WDPCP: variants seen among roughly 807,000 people sequenced by gnomAD.
WDPCP encodes the protein WD repeat containing planar cell polarity effector.
WDPCP carries 71 observed loss-of-function variants against 93.1 expected under a neutral mutation model. The observed-to-expected ratio is 0.76, with a 90% CI of 0.63 to 0.93. WDPCP has a LOEUF of 0.93. Among genes scored for constraint, WDPCP ranks in the 40% least tolerant of loss-of-function variants. WDPCP has a pLI of 0.00. For synonymous variants in WDPCP, 315 were observed against 315.0 expected, an observed-to-expected ratio of 1.00 and a Z score of 0.00; for missense variants, 844 against 887.4, an observed-to-expected ratio of 0.95 and a Z score of 0.62.
chr2:63,125,504 G>C (rs1669834246), intron 17 of WDPCP, among the ~76,000 whole-genome samples: 1 of 152,180 alleles, frequency 6.6e-6, no homozygotes, highest in Non-Finnish European at 1.5e-5. Context: ...GGTTCTCCAT[G>C]CTGGCCTAAA....
chr2:63,490,747 G>GTT (rs971662298), intron 2 of WDPCP, among the ~76,000 whole-genome samples: 16 of 152,124 alleles, frequency 1.1e-4, no homozygotes, highest in African/African-American at 3.9e-4. Flanking sequence ...ACACATGGAG[G>GTT]GACAGGGAAG....
rs755586280 is a variant in WDPCP at position 63,487,508 on chromosome 2, G to T, written c.161-14C>A. 1 of 1,559,700 alleles carries T rather than the reference G, an allele frequency of 6.4e-7. No individual in the cohort carries two copies. ...CAATGTCTCTATCTATAGAAAGGAA[G>T]AAATAACATTAAATTATGATTTAAA... On this transcript the variant is annotated splice_polypyrimidine_tract_variant and intron_variant, in intron 2 of 17. Coordinates refer to ENST00000272321, the MANE Select transcript of WDPCP (RefSeq NM_015910.7).
At chr2:63,749,279 A>C (rs1021502978) in intron 2 of WDPCP, among the ~76,000 whole-genome samples, 11 of 152,082 alleles carry the variant, frequency 7.2e-5, no homozygotes, top group Non-Finnish European at 1.6e-4. Flanking sequence ...TCAAATTTAC[A>C]CAAGTTAACA....
intron 12 of WDPCP, among the ~76,000 whole-genome samples, chr2:63,346,716 C>T (rs971428092): frequency 1.3e-5 from 2 of 152,186 alleles, no homozygotes; most frequent in African/African-American, 4.8e-5. Context: ...CTCCACAAAG[C>T]ACCTGCCTCT....
intron 6 of WDPCP, among the ~76,000 whole-genome samples, chr2:63,472,846 C>T (rs554584359): frequency 1.5e-4 from 23 of 152,354 alleles, no homozygotes; most frequent in African/African-American, 4.1e-4. Flanking sequence ...AGGCGTGAGC[C>T]GCCGTGCCCA....
intron 14 of WDPCP, among the ~76,000 whole-genome samples, chr2:63,187,953 A>G (rs769800212): frequency 4.6e-5 from 7 of 152,176 alleles, no homozygotes; most frequent in Non-Finnish European, 7.3e-5. Flanking sequence ...TTTCTGAAGG[A>G]CAGTTTTGCT....
chr2:63,659,864 C>T (rs1710207680), intron 2 of WDPCP, among the ~76,000 whole-genome samples: 2 of 152,158 alleles, frequency 1.3e-5, no homozygotes, highest in African/African-American at 2.4e-5. Flanking sequence ...CTCTCATGGT[C>T]TAGGATCCCA....
intron 6 of WDPCP, among the ~76,000 whole-genome samples, chr2:63,471,219 C>T (rs1339157730): frequency 6.6e-6 from 1 of 152,224 alleles, no homozygotes; most frequent in African/African-American, 2.4e-5. Context: ...ACATAGAATA[C>T]TATCTGGCAT....
chr2:63,311,508 T>C (rs1374195127), intron 13 of WDPCP, among the ~76,000 whole-genome samples: 1 of 152,218 alleles, frequency 6.6e-6, no homozygotes, highest in African/African-American at 2.4e-5. Context: ...AATAAAGTTA[T>C]GTATGAAGAG....
At chr2:63,347,733 C>CT (rs1170741744) in intron 12 of WDPCP, among the ~76,000 whole-genome samples, 2 of 149,564 alleles carry the variant, frequency 1.3e-5, no homozygotes, top group Admixed American at 6.7e-5. Flanking sequence ...GGAAATTGCC[C>CT]CCCCCGCCCC....
intron 2 of WDPCP, chr2:63,717,388 A>G: frequency 2.3e-6 from 1 of 435,792 alleles, no homozygotes; most frequent in Non-Finnish European, 4.4e-6. Flanking sequence ...GATCCTGATG[A>G]TAGTGTCTGT....
At chr2:63,573,765 T>G (rs1017375445) in intron 1 of WDPCP, among the ~76,000 whole-genome samples, 2 of 152,196 alleles carry the variant, frequency 1.3e-5, no homozygotes, top group Non-Finnish European at 2.9e-5. Flanking sequence ...GCCATATTCC[T>G]CTTCTTTCAA....
intron 1 of WDPCP, among the ~76,000 whole-genome samples, chr2:63,586,963 G>A (rs1184331759): frequency 6.6e-6 from 1 of 152,206 alleles, no homozygotes; most frequent in Non-Finnish European, 1.5e-5. Context: ...TGCCATGTTG[G>A]TGTACTGCAC....
chr2:63,536,046 G>A (rs1704252284), intron 1 of WDPCP, among the ~76,000 whole-genome samples: 1 of 152,116 alleles, frequency 6.6e-6, no homozygotes, highest in South Asian at 2.1e-4. Flanking sequence ...TCAAAAACTG[G>A]GCGAAGGATA....
chr2:63,809,876 C>T (rs1468812023), intron 2 of WDPCP, among the ~76,000 whole-genome samples: 2 of 151,594 alleles, frequency 1.3e-5, no homozygotes, highest in African/African-American at 4.9e-5. Flanking sequence ...CTGCCAAATC[C>T]CCCTCTGTGA....
chr2:63,341,069 C>A (rs1364491012), intron 12 of WDPCP, among the ~76,000 whole-genome samples: 2 of 152,132 alleles, frequency 1.3e-5, no homozygotes, highest in African/African-American at 4.8e-5. Flanking sequence ...TCATTAATTT[C>A]TAGGTTCATT....
chr2:63,212,813 G>A (rs1676949138), intron 14 of WDPCP, among the ~76,000 whole-genome samples: 1 of 151,800 alleles, frequency 6.6e-6, no homozygotes, highest in East Asian at 1.9e-4. Flanking sequence ...AAAAAGCAGG[G>A]GTTGCAATCC....
intron 17 of WDPCP, among the ~76,000 whole-genome samples, chr2:63,140,099 C>T (rs1670943751): frequency 6.6e-6 from 1 of 152,030 alleles, no homozygotes; most frequent in Admixed American, 6.6e-5. Context: ...TTTTTGTTTG[C>T]TTTGTTGAAA....
chr2:63,567,841 C>T (rs995921082), intron 1 of WDPCP, among the ~76,000 whole-genome samples: 1 of 152,148 alleles, frequency 6.6e-6, no homozygotes, highest in East Asian at 1.9e-4. Flanking sequence ...GTGCCTTTCA[C>T]GATGCCAGGC....
Sources: gnomAD v4.1 joint callset for allele counts (sites outside exome capture counted in the v4.1 genomes callset) on GRCh38, gnomAD v4.1.1 for gene constraint, MANE v1.5 for transcripts, NCBI Gene and HGNC (gene_info 2026-07-23, HGNC 2026-07-21) for gene names.